SENP5: variants seen among roughly 807,000 people sequenced by gnomAD.
SENP5 encodes the protein SUMO specific peptidase 5.
A neutral mutation model predicts 74.2 loss-of-function variants in SENP5; 21 were observed. That is an observed-to-expected ratio of 0.28 (90% CI 0.20 to 0.41). The LOEUF is 0.41. Among genes scored for constraint, SENP5 ranks in the 10% least tolerant of loss-of-function variants. The pLI, the probability that SENP5 is intolerant of heterozygous loss-of-function variation, is 1.00. For synonymous variants in SENP5, 311 were observed against 312.7 expected (o/e 0.99, Z 0.06); for missense variants, 717 against 889.1 (o/e 0.81, Z 2.46).
At chr3:196,883,316 G>GT (rs1389461583) in intron 1 of SENP5, among the ~76,000 whole-genome samples, 1 of 151,966 alleles carries the variant, frequency 6.6e-6, no homozygotes, top group Non-Finnish European at 1.5e-5. Context: ...CTATCTGTTG[G>GT]TTTTTTCTCC....
At chr3:196,923,385 G>A (rs777915985) in intron 6 of SENP5, 29 bp from the exon 7 acceptor site, 6 of 1,587,758 alleles carry the variant, frequency 3.8e-6, no homozygotes, top group Non-Finnish European at 4.3e-6. Flanking sequence ...TGTGGTGATG[G>A]CTGCATTTCT....
At chr3:196,909,982 A>G (rs896656689) in intron 6 of SENP5, among the ~76,000 whole-genome samples, 31 of 152,182 alleles carry the variant, frequency 2.0e-4, no homozygotes, top group African/African-American at 7.5e-4. Context: ...AGATGGCATG[A>G]TTCTATATTT....
At chr3:196,907,334 C>T (rs1253791495) in intron 6 of SENP5, among the ~76,000 whole-genome samples, 2 of 151,400 alleles carry the variant, frequency 1.3e-5, no homozygotes, top group Non-Finnish European at 2.9e-5. Flanking sequence ...ATTAGCCGGG[C>T]GTGGTGACGG....
chr3:196,926,070 T>TA (rs1715799793), intron 7 of SENP5, among the ~76,000 whole-genome samples: 3 of 151,066 alleles, frequency 2.0e-5, no homozygotes, highest in South Asian at 4.2e-4. Flanking sequence ...CAGCAGAGAC[T>TA]ACAAGAGCTT....
Position 196,931,020 on chromosome 3 carries a change from G to C in SENP5, c.*97G>C. The stretch of plus-strand genomic sequence containing the variant: ...TAGTTGAATTTTTACAGATATTTCA[G>C]ATCAGTGGTGTTGGGCCACTATTGT... On this transcript the variant is annotated 3_prime_UTR_variant, in exon 10 of 10. Coordinates refer to ENST00000323460, the MANE Select transcript of SENP5 (RefSeq NM_152699.5). 1.3e-6 allele frequency: 1 copy of C among 790,304 alleles called. No homozygotes were observed. Among genetic ancestry groups the C allele is most frequent in the East Asian group, 2.6e-5 (1 of 38,502 alleles). 49.0% of individuals were successfully genotyped at this position (790,304 alleles called of 1,614,324 possible).
At position 196,886,255 on chromosome 3, in the gene SENP5, G is replaced by C. The variant is rs1713967961; in HGVS notation, c.1074G>C (p.Gln358His). Reference sequence around the variant, plus strand: ...GCAGTGCCACAAACGCCTGGGACCAGTCATCCTGTTCTTCTCCTAAGTGGG... The same window carrying C: ...GCAGTGCCACAAACGCCTGGGACCACTCATCCTGTTCTTCTCCTAAGTGGG... The part of the protein sequence containing the change: ...QNGSATNAWD[Q>H]SSCSSPKWEC... Residue 358 changes from glutamine to histidine, a missense_variant, in exon 2 of 10, where the codon CAG (glutamine) becomes CAC (histidine). Coordinates refer to ENST00000323460, the MANE Select transcript of SENP5 (RefSeq NM_152699.5). 1.2e-6 allele frequency: 2 copies of C among 1,614,040 alleles called. No individual in the cohort carries two copies. Among genetic ancestry groups the C allele is most frequent in the South Asian group, 2.2e-5 (2 of 91,084 alleles).
intron 6 of SENP5, among the ~76,000 whole-genome samples, chr3:196,905,788 T>C (rs1383548110): frequency 6.6e-6 from 1 of 152,064 alleles, no homozygotes; most frequent in African/African-American, 2.4e-5. Flanking sequence ...CAGTGACCAT[T>C]GGTTAACCTT....
chr3:196,880,638 CTTTTT>C (rs56188124), intron 1 of SENP5, among the ~76,000 whole-genome samples: 2 of 101,962 alleles, frequency 2.0e-5, no homozygotes, highest in Non-Finnish European at 1.9e-5. Flanking sequence ...GCCAGTTATT[CTTTTT>C]TTTTTTTTTT....
At chr3:196,893,454 G>C (rs960215165) in intron 2 of SENP5, among the ~76,000 whole-genome samples, 2 of 152,118 alleles carry the variant, frequency 1.3e-5, no homozygotes, top group Non-Finnish European at 2.9e-5. Context: ...GTGTCCAAGG[G>C]AAACAGTAGA....
intron 2 of SENP5, among the ~76,000 whole-genome samples, chr3:196,894,093 C>G (rs78190602): frequency 0.016 from 2,300 of 140,816 alleles, 56 homozygotes; most frequent in African/African-American, 0.055. Flanking sequence ...ATGTCCAACT[C>G]TTTTTTTCTA....
chr3:196,883,334 A>G (rs1038227747), intron 1 of SENP5, among the ~76,000 whole-genome samples: 21 of 152,050 alleles, frequency 1.4e-4, no homozygotes, highest in African/African-American at 4.8e-4. Flanking sequence ...TCCGTGAATG[A>G]TCTGTTTTCC....
Position 196,886,313 on chromosome 3 carries a change from C to T in SENP5, c.1132C>T (p.Pro378Ser), listed in dbSNP as rs754403190. The T allele has an allele frequency of 7.4e-6, 12 of 1,614,052 alleles. No individual in the cohort carries two copies. The South Asian group carries it at 1.2e-4, about 16-fold the overall frequency. Residue 378 changes from proline (P) to serine (S), a missense_variant, in exon 2 of 10, where the codon CCA becomes TCA. Pro to Ser is a moderately conservative substitution (Grantham distance 74). Coordinates refer to ENST00000323460, the MANE Select transcript of SENP5 (RefSeq NM_152699.5). The stretch of plus-strand genomic sequence containing the variant: ...AGAGCTGATTCATGACATCCCCTTA[C>T]CAGAACATCGTTCTAATACCATGTT... ...CTELIHDIPL[P>S]EHRSNTMFIS... is the part of the protein sequence containing the mutation.
intron 5 of SENP5, among the ~76,000 whole-genome samples, chr3:196,903,279 G>A (rs1164371523): frequency 6.6e-6 from 1 of 152,034 alleles, no homozygotes; most frequent in Non-Finnish European, 1.5e-5. Flanking sequence ...AGCTGGGATT[G>A]CAGATGGGTG....
chr3:196,921,574 A>G (rs770837862), intron 6 of SENP5, among the ~76,000 whole-genome samples: 56 of 152,152 alleles, frequency 3.7e-4, no homozygotes, highest in Non-Finnish European at 5.7e-4. Context: ...TTTATTTACT[A>G]CTGTATTCTA....
intron 1 of SENP5, among the ~76,000 whole-genome samples, chr3:196,881,895 A>AATT (rs1713739924): frequency 1.2e-5 from 1 of 83,696 alleles, no homozygotes; most frequent in Non-Finnish European, 2.3e-5. Context: ...AGATAGTATT[A>AATT]GTTTTTTTTT....
chr3:196,873,948 C>T (rs1215974013), intron 1 of SENP5, among the ~76,000 whole-genome samples: 2 of 151,976 alleles, frequency 1.3e-5, no homozygotes, highest in African/African-American at 2.4e-5. Flanking sequence ...AAGGATCCTT[C>T]TGCCTCAGCC....
At position 196,932,151 on chromosome 3, in the gene SENP5, A is replaced by C. The variant is rs542584563; in HGVS notation, c.*1228A>C. 54 of 186,748 alleles carry C rather than the reference A, an allele frequency of 2.9e-4. 2 individuals are homozygous for C. The South Asian group carries it at 4.4e-3, about 15-fold the overall frequency. 11.6% of individuals were successfully genotyped at this position (186,748 alleles called of 1,614,324 possible). ...TACACTTAGCTGCATTAGGATGAAT[A>C]TCACGCGTCTCACATCTTTAATCCA... On this transcript the variant is annotated 3_prime_UTR_variant, in exon 10 of 10. Transcript: ENST00000323460.
intron 8 of SENP5, among the ~76,000 whole-genome samples, 175 bp downstream of exon 8, chr3:196,928,054 T>G (rs1715882084): frequency 6.6e-6 from 1 of 152,184 alleles, no homozygotes. Flanking sequence ...GCTGCTCAGT[T>G]GCCCAGTGCT....
At chr3:196,904,734 A>AGCC (rs1714832872) in intron 6 of SENP5, among the ~76,000 whole-genome samples, 1 of 152,114 alleles carries the variant, frequency 6.6e-6, no homozygotes, top group South Asian at 2.1e-4. Flanking sequence ...GGTTGCAGTG[A>AGCC]GCCGAGATTG....
Sources: gnomAD v4.1 joint callset for allele counts (sites outside exome capture counted in the v4.1 genomes callset) on GRCh38, gnomAD v4.1.1 for gene constraint, MANE v1.5 for transcripts, NCBI Gene and HGNC (gene_info 2026-07-23, HGNC 2026-07-21) for gene names.